Variants in ALPK2 observed in about 807,000 individuals in gnomAD.
ALPK2 encodes alpha kinase 2.
A neutral mutation model predicts 163.1 loss-of-function variants in ALPK2; 127 were observed. That is an observed-to-expected ratio of 0.78 (90% CI 0.67 to 0.90). The LOEUF (loss-of-function observed/expected upper bound fraction) is 0.90, where lower values mean the gene tolerates loss of function less well. Ranked by LOEUF, ALPK2 falls within the 40% of genes least tolerant of loss-of-function variation. The pLI is 0.00. For missense variants in ALPK2, 2,360 were observed against 2,589.6 expected, an observed-to-expected ratio of 0.91 and a Z score of 1.92; for synonymous variants, 953 against 959.1, an observed-to-expected ratio of 0.99 and a Z score of 0.12.
chr18:58,589,505 C>T (rs989761495), intron 3 of ALPK2, among the ~76,000 whole-genome samples: 14 of 152,066 alleles, frequency 9.2e-5, no homozygotes, highest in Non-Finnish European at 2.9e-5. Context: ...TATGAAGACA[C>T]GAGTTTGGGG....
intron 12 of ALPK2, among the ~76,000 whole-genome samples, chr18:58,483,653 T>G (rs2051323260): frequency 6.6e-6 from 1 of 151,708 alleles, no homozygotes; most frequent in Non-Finnish European, 1.5e-5. Flanking sequence ...TGGGTTCAAG[T>G]GATTCTCCTG....
chr18:58,505,515 G>T (rs913149341), intron 10 of ALPK2, among the ~76,000 whole-genome samples: 1 of 151,782 alleles, frequency 6.6e-6, no homozygotes, highest in African/African-American at 2.4e-5. Flanking sequence ...CCTGGTCCCC[G>T]CCCCTCTCAA....
chr18:58,530,402 C>T (rs1429459836), intron 5 of ALPK2, among the ~76,000 whole-genome samples: 3 of 152,192 alleles, frequency 2.0e-5, no homozygotes, highest in East Asian at 1.9e-4. Flanking sequence ...ATGGCAAACC[C>T]GCATCAGTGC....
chr18:58,606,451 A>G (rs919024221), intron 3 of ALPK2, among the ~76,000 whole-genome samples: 4 of 152,206 alleles, frequency 2.6e-5, no homozygotes, highest in Non-Finnish European at 5.9e-5. Context: ...CTCCTCTACA[A>G]TGAAACTTCT....
In ALPK2 at chr18:58,537,445, C is replaced by T; in HGVS notation, c.2742G>A (p.Val914=). 2 of 1,612,502 alleles carry T rather than the reference C, an allele frequency of 1.2e-6. No individual in the cohort carries two copies. Among genetic ancestry groups the T allele is most frequent in the Non-Finnish European group, 1.7e-6 (2 of 1,178,910 alleles). The change falls in exon 5 of 13, where the codon GTG becomes GTA. Residue 914 remains valine, a synonymous_variant. Coordinates refer to ENST00000361673, the MANE Select transcript of ALPK2 (RefSeq NM_052947.4). ...AGGCCAGTGGGTAGGTGGAATTCTC[C>T]ACCTTGGCTAGATTTTCTCCTGTGG... ...EGATGENLAK[V]ENSTYPLAST... is the part of the protein sequence containing the mutation.
At chr18:58,523,353 T>G (rs1207072309) in intron 8 of ALPK2, among the ~76,000 whole-genome samples, 2 of 152,148 alleles carry the variant, frequency 1.3e-5, no homozygotes, top group African/African-American at 4.8e-5. Context: ...TTTGCTATTG[T>G]GAATAGTGCC....
chr18:58,572,035 C>T (rs980640697), intron 4 of ALPK2, among the ~76,000 whole-genome samples: 1 of 145,992 alleles, frequency 6.8e-6, no homozygotes, highest in African/African-American at 2.5e-5. Flanking sequence ...CTCTAGAATG[C>T]ATATAGAAGT....
Position 58,517,025 on chromosome 18 carries a change from G to A in ALPK2, c.5823C>T (p.Gly1941=). The part of the protein sequence containing the change: ...RKAFRSTVMH[G]LMPVFKPGHA... ...GGCCAGGTTTGAAGACAGGCATGAG[G>A]CCGTGCATCACTGTGCTGCGGAAGG... Residue 1941 remains glycine (G), a synonymous_variant, in exon 9 of 13, where the codon GGC becomes GGT. Coordinates refer to ENST00000361673, the MANE Select transcript of ALPK2 (RefSeq NM_052947.4). 3.1e-6 allele frequency: 5 copies of A among 1,614,214 alleles called. No homozygotes were observed. Among genetic ancestry groups the A allele is most frequent in the Non-Finnish European group, 4.2e-6 (5 of 1,180,030 alleles).
At chr18:58,485,877 ACAT>A (rs2051336408) in intron 12 of ALPK2, among the ~76,000 whole-genome samples, 1 of 152,230 alleles carries the variant, frequency 6.6e-6, no homozygotes, top group Non-Finnish European at 1.5e-5. Flanking sequence ...CTGTCTGAGC[ACAT>A]TGGAAACAAG....
At chr18:58,541,830 T>C (rs1201019774) in intron 4 of ALPK2, among the ~76,000 whole-genome samples, 6 of 152,292 alleles carry the variant, frequency 3.9e-5, no homozygotes, top group Admixed American at 3.9e-4. Flanking sequence ...CGGCATCAGT[T>C]TCAAGAGCAG....
At chr18:58,508,648 G>A (rs1480209915) in intron 10 of ALPK2, among the ~76,000 whole-genome samples, 1 of 152,178 alleles carries the variant, frequency 6.6e-6, no homozygotes, top group Non-Finnish European at 1.5e-5. Flanking sequence ...CTATTTATAT[G>A]GTCTAAAAAG....
chr18:58,550,371 T>C (rs2051745930), intron 4 of ALPK2, among the ~76,000 whole-genome samples: 1 of 151,468 alleles, frequency 6.6e-6, no homozygotes, highest in South Asian at 2.1e-4. Context: ...CTCTATCACA[T>C]ACAACCCCAT....
Position 58,537,686 on chromosome 18 carries a change from T to G in ALPK2, c.2501A>C (p.Glu834Ala). 6.2e-7 allele frequency: 1 copy of G among 1,614,114 alleles called. No homozygotes were observed. Residue 834 changes from glutamate (E) to alanine (A), a missense_variant, in exon 5 of 13, where the codon GAA becomes GCA. Transcript: ENST00000361673. ...CAGTTCCGTATCTACAGAGCAAATT[T>G]CTTGAGGCGAATATTTATCAACTGG... ...GRPVDKYSPQ[E>A]ICSVDTELAE...
intron 12 of ALPK2, among the ~76,000 whole-genome samples, chr18:58,483,918 CCCTGTCATAGACTCT>C (rs1167117787): frequency 6.6e-6 from 1 of 151,982 alleles, no homozygotes; most frequent in Admixed American, 6.6e-5. Context: ...AGTCACATCC[CCCTGTCATAGACTCT>C]CCTGGACTGT....
intron 12 of ALPK2, among the ~76,000 whole-genome samples, chr18:58,492,725 A>G (rs1768881068): frequency 1.3e-5 from 2 of 152,208 alleles, no homozygotes. Context: ...TGGACTGGGC[A>G]GAGGGACAAC....
intron 6 of ALPK2, 126 bp downstream of exon 6, chr18:58,528,965 G>A (rs2051597813): frequency 3.6e-6 from 4 of 1,123,156 alleles, no homozygotes; most frequent in Non-Finnish European, 5.3e-6. Flanking sequence ...TAATATTGTG[G>A]ATGTGGAATC....
intron 4 of ALPK2, among the ~76,000 whole-genome samples, chr18:58,569,933 G>A (rs559531170): frequency 3.3e-5 from 5 of 152,012 alleles, no homozygotes; most frequent in Admixed American, 6.5e-5. Flanking sequence ...GGTCAAGACC[G>A]TCCTGGCTAA....
chr18:58,537,138 C>G lies in ALPK2; in HGVS notation c.3049G>C (p.Val1017Leu), dbSNP rs1049703630. ...DTSTVTIATE[V>L]HPAKYLAVSI... ...ACAGCAAGGTATTTGGCTGGGTGGA[C>G]TTCGGTGGCAATGGTAACAGTTGAT... The change falls in exon 5 of 13, where the codon GTC becomes CTC. Residue 1017 changes from valine (V) to leucine (L), a missense_variant. Val to Leu is a conservative substitution (Grantham distance 32, BLOSUM62 1). Transcript: ENST00000361673. 1 of 1,613,942 alleles carries G rather than the reference C, an allele frequency of 6.2e-7. No individual in the cohort carries two copies. Among genetic ancestry groups the G allele is most frequent in the Non-Finnish European group, 8.5e-7 (1 of 1,179,960 alleles).
chr18:58,628,745 C>A lies in ALPK2; in HGVS notation c.-21+19G>T, dbSNP rs756761975. 1.3e-5 allele frequency: 2 copies of A among 152,262 alleles called. No individual in the cohort carries two copies. The highest frequency in any genetic ancestry group is 1.9e-4 in the East Asian group (1 of 5,186). The allele number at this position is 152,262 out of a possible 1,614,324, so 9.4% of individuals were successfully genotyped here. Reference sequence around the variant, plus strand: ...AGCACAGCCATTCCTTATGTAAAAACCAAAGTCTACATACTTACTTTTCAG... The same window carrying A: ...AGCACAGCCATTCCTTATGTAAAAAACAAAGTCTACATACTTACTTTTCAG... On this transcript the variant is annotated intron_variant, in intron 1 of 12. Transcript: ENST00000361673.
Sources: allele counts gnomAD v4.1 joint callset (sites outside exome capture counted in the v4.1 genomes callset), GRCh38; gene constraint gnomAD v4.1.1; transcripts MANE v1.5; gene names NCBI Gene and HGNC (gene_info 2026-07-23, HGNC 2026-07-21).